NPAS3: variants seen among roughly 807,000 people sequenced by gnomAD.
NPAS3 encodes the protein neuronal PAS domain-containing protein 3.
NPAS3 carries 14 observed loss-of-function variants against 73.1 expected under a neutral mutation model. The ratio of observed to expected loss-of-function variants is 0.19; its 90% CI spans 0.13 to 0.30. The LOEUF is 0.30. Ranked by LOEUF, NPAS3 falls within the 10% of genes least tolerant of loss-of-function variation. The probability of loss-of-function intolerance (pLI) is 1.00; values close to 1 mark genes in which losing one functional copy is unlikely to be tolerated. For missense variants in NPAS3, 1,096 were observed against 1,250.0 expected, an observed-to-expected ratio of 0.88 and a Z score of 1.86; for synonymous variants, 620 against 541.5, an observed-to-expected ratio of 1.14 and a Z score of -2.01.
At position 33,569,613 on chromosome 14, in the gene NPAS3, G is replaced by A. The variant is rs1243466049; in HGVS notation, c.558+9403G>A. On this transcript the variant is annotated intron_variant, in intron 5 of 11. Transcript: ENST00000356141. ...ATCCTGTTTAGCACTGCTTTGCCAT[G>A]GAAACAAAAAAAAAAATTGGTTCTT... Among the ~76,000 whole-genome samples the A allele has an allele frequency of 2.0e-5, 3 of 150,976 alleles. No individual in the cohort carries two copies. The East Asian group carries it at 6.1e-4, about 31-fold the overall frequency.
At chr14:33,008,703 TAAG>T (rs977483794) in intron 1 of NPAS3, among the ~76,000 whole-genome samples, 1 of 152,200 alleles carries the variant, frequency 6.6e-6, no homozygotes, top group African/African-American at 2.4e-5. Context: ...GAACGTTAGG[TAAG>T]AATTCTACCT....
intron 5 of NPAS3, among the ~76,000 whole-genome samples, chr14:33,674,796 C>T (rs1226025828): frequency 6.6e-6 from 1 of 152,172 alleles, no homozygotes; most frequent in Non-Finnish European, 1.5e-5. Flanking sequence ...GTTTTTCTGA[C>T]TATACCTATG....
At chr14:33,264,285 G>A (rs181205104) in intron 3 of NPAS3, among the ~76,000 whole-genome samples, 1 of 151,928 alleles carries the variant, frequency 6.6e-6, no homozygotes, top group Non-Finnish European at 1.5e-5. Context: ...GGTAGGGGGA[G>A]GGGGGAAGGA....
chr14:33,217,069 G>A (rs2047251624), intron 3 of NPAS3, among the ~76,000 whole-genome samples: 1 of 152,130 alleles, frequency 6.6e-6, no homozygotes, highest in African/African-American at 2.4e-5. Flanking sequence ...TTACAATCAT[G>A]GTAGAAGGCG....
intron 1 of NPAS3, among the ~76,000 whole-genome samples, chr14:32,987,193 T>G (rs1177219614): frequency 1.3e-5 from 2 of 152,054 alleles, no homozygotes; most frequent in Non-Finnish European, 2.9e-5. Flanking sequence ...GTATGCACAT[T>G]GAGTGACTAA....
At chr14:33,608,890 A>C in intron 5 of NPAS3, among the ~76,000 whole-genome samples, 1 of 152,196 alleles carries the variant, frequency 6.6e-6, no homozygotes, top group South Asian at 2.1e-4. Flanking sequence ...ATCCAGTCAC[A>C]AATAACCTCA....
intron 1 of NPAS3, among the ~76,000 whole-genome samples, chr14:33,019,218 T>G (rs553442092): frequency 6.6e-6 from 1 of 152,356 alleles, no homozygotes; most frequent in African/African-American, 2.4e-5. Context: ...TGAAAGTTCT[T>G]GTTTGACCAT....
intron 1 of NPAS3, among the ~76,000 whole-genome samples, chr14:32,964,160 T>TGA (rs1455176411): frequency 1.3e-5 from 1 of 75,446 alleles, no homozygotes; most frequent in East Asian, 5.0e-4. Context: ...TTTGCTGCAC[T>TGA]AAAAAAAAAA....
At chr14:33,350,827 G>A (rs972947418) in intron 3 of NPAS3, among the ~76,000 whole-genome samples, 2 of 152,208 alleles carry the variant, frequency 1.3e-5, no homozygotes, top group Admixed American at 6.5e-5. Flanking sequence ...ATTAGAGACA[G>A]GTCCAGAACA....
chr14:33,647,242 C>T (rs1409729820), intron 5 of NPAS3, among the ~76,000 whole-genome samples: 1 of 151,906 alleles, frequency 6.6e-6, no homozygotes, highest in Non-Finnish European at 1.5e-5. Context: ...CAATTTCATA[C>T]ACTTACTCAG....
intron 7 of NPAS3, among the ~76,000 whole-genome samples, chr14:33,772,679 C>A (rs1391297655): frequency 1.3e-5 from 2 of 152,144 alleles, no homozygotes; most frequent in Non-Finnish European, 2.9e-5. Flanking sequence ...TGTTAACACC[C>A]CTCCTGTGAA....
intron 6 of NPAS3, among the ~76,000 whole-genome samples, chr14:33,731,167 A>C (rs1308738711): frequency 1.3e-5 from 2 of 152,100 alleles, no homozygotes; most frequent in Non-Finnish European, 1.5e-5. Context: ...GGTGGCTCAC[A>C]CCTGTAATCT....
chr14:33,152,306 G>T (rs17100254), intron 2 of NPAS3, among the ~76,000 whole-genome samples: 25,650 of 152,008 alleles, frequency 0.17, 2,391 homozygotes, highest in East Asian at 0.21. Flanking sequence ...GGTGTTGGGA[G>T]CATCATTACT....
intron 1 of NPAS3, among the ~76,000 whole-genome samples, chr14:32,996,657 A>T (rs1225338608): frequency 6.6e-6 from 1 of 152,136 alleles, no homozygotes; most frequent in African/African-American, 2.4e-5. Flanking sequence ...GGCAGCTTGC[A>T]TGTGGTGTTG....
chr14:33,678,286 C>T (rs1055947325), intron 6 of NPAS3, among the ~76,000 whole-genome samples: 1 of 152,148 alleles, frequency 6.6e-6, no homozygotes, highest in Non-Finnish European at 1.5e-5. Flanking sequence ...GATATGGAGC[C>T]CAAATCTGCT....
At chr14:33,273,857 A>ATG (rs1324371019) in intron 3 of NPAS3, among the ~76,000 whole-genome samples, 6 of 152,294 alleles carry the variant, frequency 3.9e-5, no homozygotes, top group African/African-American at 1.2e-4. Context: ...TGAATGTCCA[A>ATG]CAAAAAAACT....
chr14:33,393,187 G>C (rs2047079755), intron 4 of NPAS3, among the ~76,000 whole-genome samples: 1 of 152,170 alleles, frequency 6.6e-6, no homozygotes, highest in Non-Finnish European at 1.5e-5. Context: ...GGATAATAAA[G>C]TGTGCTTGTA....
chr14:33,690,699 G>C (rs28438789), intron 6 of NPAS3, among the ~76,000 whole-genome samples: 1 of 152,018 alleles, frequency 6.6e-6, no homozygotes, highest in African/African-American at 2.4e-5. Context: ...AAAGCATTTT[G>C]GAAGAAGGAG....
At chr14:33,397,282 C>T (rs1160156360) in intron 4 of NPAS3, among the ~76,000 whole-genome samples, 3 of 152,128 alleles carry the variant, frequency 2.0e-5, no homozygotes, top group Non-Finnish European at 4.4e-5. Context: ...TTGTTAAGCA[C>T]TTACTAAGTA....
Sources: allele counts gnomAD v4.1 joint callset (sites outside exome capture counted in the v4.1 genomes callset), GRCh38; gene constraint gnomAD v4.1.1; transcripts MANE v1.5; gene names NCBI Gene and HGNC (gene_info 2026-07-23, HGNC 2026-07-21).